Variants in TMEM132A observed in about 807,000 individuals in gnomAD.
TMEM132A encodes GRP78-binding protein.
In TMEM132A, 48 loss-of-function variants were observed where a neutral mutation model predicts 69.9. That is an observed-to-expected ratio of 0.69 (90% CI 0.55 to 0.87). The LOEUF is 0.87. Among genes scored for constraint, TMEM132A ranks in the 40% least tolerant of loss-of-function variants. The probability of loss-of-function intolerance (pLI) is 0.00; values close to 1 mark genes in which losing one functional copy is unlikely to be tolerated. For synonymous variants in TMEM132A, 577 were observed against 613.7 expected (o/e 0.94, Z 0.88); for missense variants, 1,287 against 1,407.2 (o/e 0.91, Z 1.37).
Position 60,934,864 on chromosome 11 carries a change from G to A in TMEM132A, c.1836+100G>A, listed in dbSNP as rs1224765399. On this transcript the variant is annotated intron_variant, in intron 9 of 10. Transcript: ENST00000453848. ...GTGAAGAGTGTGCCAGGAGCCCAGAGTGTGTGGGGGAGTTGTGCGGTCTAG... is the reference window on the plus strand; with the variant it reads ...GTGAAGAGTGTGCCAGGAGCCCAGAATGTGTGGGGGAGTTGTGCGGTCTAG... 4 of 1,291,638 alleles carry A rather than the reference G, an allele frequency of 3.1e-6. No individual in the cohort carries two copies. The African/African-American group carries it at 5.9e-5, about 19-fold the overall frequency. The allele number at this position is 1,291,638 out of a possible 1,614,324, so 80.0% of individuals were successfully genotyped here.
chr11:60,932,367 G>C (rs1391698268), intron 7 of TMEM132A: 1 of 428,454 alleles, frequency 2.3e-6, no homozygotes, highest in African/African-American at 2.0e-5. Context: ...GCACTGGCAA[G>C]TGCGCTGGCC....
rs563891631 is a variant in TMEM132A at position 60,936,332 on chromosome 11, G to A, written c.2497G>A (p.Glu833Lys). The stretch of plus-strand genomic sequence containing the variant: ...AGCCAGGGAGGAGGAGGAGGAAGAG[G>A]AGGAGGAGATGGTCCCTGCCCCTCA... ...TEAREEEEEE[E>K]EEMVPAPQHV... is the part of the protein sequence containing the mutation. The change falls in exon 11 of 11, where the codon GAG becomes AAG. Residue 833 changes from glutamate (E) to lysine (K), a missense_variant. Coordinates refer to ENST00000453848, the MANE Select transcript of TMEM132A (RefSeq NM_178031.3). 1 of 1,614,184 alleles carries A rather than the reference G, an allele frequency of 6.2e-7. No homozygotes were observed. Among genetic ancestry groups the A allele is most frequent in the East Asian group, 2.2e-5 (1 of 44,884 alleles).
At chr11:60,932,603 TATA>T (rs1856503723) in intron 7 of TMEM132A, 9 of 153,138 alleles carry the variant, frequency 5.9e-5, no homozygotes, top group African/African-American at 2.2e-4. Context: ...TTATTGCTGT[TATA>T]ATATGATGTA....
At chr11:60,929,358 C>T (rs1856426102) in intron 4 of TMEM132A, among the ~76,000 whole-genome samples, 1 of 152,250 alleles carries the variant, frequency 6.6e-6, no homozygotes, top group South Asian at 2.1e-4. Flanking sequence ...CGTTCACCTA[C>T]ATGCTGTCCC....
rs538842413 is a variant in TMEM132A at position 60,931,452 on chromosome 11, G to A, written c.1017-237G>A. Among the ~76,000 whole-genome samples, 3 of 152,282 alleles carry A rather than the reference G, an allele frequency of 2.0e-5. No individual in the cohort carries two copies. In the South Asian group the frequency reaches 6.2e-4, roughly 32 times the overall value. On this transcript the variant is annotated intron_variant, in intron 5 of 10. Transcript: ENST00000453848. ...TTGCCAGGTGGGAGGTGGTTAAATG[G>A]CTTCATGGATCTTAGAGAGGCCAAG...
chr11:60,931,957 GGGGCTGAGC>G lies in TMEM132A; in HGVS notation c.1213-26_1213-18del, dbSNP rs1194214055. 1 of 1,612,924 alleles carries G rather than the reference GGGGCTGAGC, an allele frequency of 6.2e-7. No individual in the cohort carries two copies. On this transcript the variant is annotated intron_variant, in intron 6 of 10. Transcript: ENST00000453848. ...AGGAGCCCCATGAGCTGAGGGGCCT[GGGGCTGAGC>G]CCCTCCTCCACCCCCAGGCTGAGGA...
rs376802659 is a variant in TMEM132A at position 60,936,083 on chromosome 11, C to T, written c.2248C>T (p.Arg750Trp). 26 of 1,608,952 alleles carry T rather than the reference C, an allele frequency of 1.6e-5. No individual in the cohort carries two copies. Among genetic ancestry groups the T allele is most frequent in the South Asian group, 4.4e-5 (4 of 90,792 alleles). Residue 750 changes from arginine to tryptophan, a missense_variant, in exon 11 of 11, where the codon CGG becomes TGG. Physicochemically the swap from Arg to Trp is moderately radical, Grantham distance 101. Coordinates refer to ENST00000453848, the MANE Select transcript of TMEM132A (RefSeq NM_178031.3). Reference sequence around the variant, plus strand: ...TCTGCACCCGCCCGAGCCCTGCCGCCGGGGCCGCCACCGTGTGCCTCTGGC... The same window carrying T: ...TCTGCACCCGCCCGAGCCCTGCCGCTGGGGCCGCCACCGTGTGCCTCTGGC... ...VALHPPEPCRRGRHRVPLASG... is the reference protein window; with the variant it reads ...VALHPPEPCRWGRHRVPLASG...
At position 60,924,686 on chromosome 11, in the gene TMEM132A, G is replaced by A. The variant is rs747686642; in HGVS notation, c.53G>A (p.Gly18Asp). The change falls in exon 1 of 11, where the codon GGC (glycine) becomes GAC (aspartate). Residue 18 changes from glycine to aspartate, a missense_variant. Physicochemically the swap from Gly to Asp is moderately conservative, Grantham distance 94. Coordinates refer to ENST00000453848, the MANE Select transcript of TMEM132A (RefSeq NM_178031.3). ...RTTAAPRGPY[G>D]PWLCLLVALA... ...ACAGCGGCCCCTCGGGGGCCCTACG[G>A]CCCCTGGCTCTGCCTCCTGGTGGCC... is the stretch of plus-strand genomic sequence containing the variant. 145 of 1,592,066 alleles carry A rather than the reference G, an allele frequency of 9.1e-5. No homozygotes were observed. In the South Asian group the frequency reaches 1.6e-3, roughly 17 times the overall value.
chr11:60,936,167 T>A lies in TMEM132A; in HGVS notation c.2332T>A (p.Ser778Thr), dbSNP rs1379344217. Reference sequence around the variant, plus strand: ...CTCCACTCCAGCCCCTGCTCTCCCATCCAGCCCTGCTTGGAGCCCACCAGC... The same window carrying A: ...CTCCACTCCAGCCCCTGCTCTCCCAACCAGCCCTGCTTGGAGCCCACCAGC... ...PASTPAPALPSSPAWSPPATE... is the reference protein window; with the variant it reads ...PASTPAPALPTSPAWSPPATE... Residue 778 changes from serine (S) to threonine (T), a missense_variant, in exon 11 of 11, where the codon TCC (serine) becomes ACC (threonine). By Grantham distance (58) the Ser-to-Thr change is moderately conservative. Coordinates refer to ENST00000453848, the MANE Select transcript of TMEM132A (RefSeq NM_178031.3). 4 of 1,613,792 alleles carry A rather than the reference T, an allele frequency of 2.5e-6. No homozygotes were observed. In the East Asian group the frequency reaches 8.9e-5, roughly 36 times the overall value.
In TMEM132A at chr11:60,924,578, G is replaced by A; in HGVS notation, c.-56G>A. On this transcript the variant is annotated 5_prime_UTR_variant, in exon 1 of 11. The change creates a new upstream start codon in the 5' untranslated region. Coordinates refer to ENST00000453848, the MANE Select transcript of TMEM132A (RefSeq NM_178031.3). ...GCGCGGAGCGGGTGCGGGAGATGCC[G>A]TGCGGGACTGGGGCCACCTGAGCCG... 5 of 1,427,968 alleles carry A rather than the reference G, an allele frequency of 3.5e-6. No individual in the cohort carries two copies. Among genetic ancestry groups the A allele is most frequent in the Non-Finnish European group, 4.7e-6 (5 of 1,059,414 alleles). The allele number at this position is 1,427,968 out of a possible 1,614,324, so 88.5% of individuals were successfully genotyped here.
intron 1 of TMEM132A, 39 bp from the exon 2 acceptor site, chr11:60,927,165 C>T (rs769138702): frequency 6.3e-7 from 1 of 1,580,178 alleles, no homozygotes; most frequent in Non-Finnish European, 8.7e-7. Context: ...CCTGCCAGCT[C>T]TGGAGCTGTC....
chr11:60,928,825 C>T lies in TMEM132A; in HGVS notation c.731C>T (p.Pro244Leu). The change falls in exon 4 of 11, where the codon CCC becomes CTC. Residue 244 changes from proline to leucine, a missense_variant. Pro to Leu is a moderately conservative substitution (Grantham distance 98, BLOSUM62 -3). Coordinates refer to ENST00000453848, the MANE Select transcript of TMEM132A (RefSeq NM_178031.3). ...VGGVELRPAD[P>L]PQYQEVPLDE... ...GGTGTGGAGCTGCGCCCAGCAGACCCCCCGCAGTACCAGGAGGTACCTCTG... is the reference window on the plus strand; with the variant it reads ...GGTGTGGAGCTGCGCCCAGCAGACCTCCCGCAGTACCAGGAGGTACCTCTG... The T allele has an allele frequency of 6.2e-7, 1 of 1,612,258 alleles. No homozygotes were observed. Among genetic ancestry groups the T allele is most frequent in the South Asian group, 1.1e-5 (1 of 91,050 alleles).
chr11:60,929,974 A>T (rs1279946716), intron 4 of TMEM132A, among the ~76,000 whole-genome samples: 1 of 152,162 alleles, frequency 6.6e-6, no homozygotes, highest in African/African-American at 2.4e-5. Flanking sequence ...GTAAGCACTG[A>T]GGGAGGTTCA....
At chr11:60,926,250 G>A (rs1856343564) in intron 1 of TMEM132A, among the ~76,000 whole-genome samples, 2 of 152,190 alleles carry the variant, frequency 1.3e-5, no homozygotes, top group East Asian at 3.8e-4. Flanking sequence ...GAAGTGGCAG[G>A]TGGAGACGCC....
At chr11:60,925,775 T>C (rs1245776353) in intron 1 of TMEM132A, 1 of 152,342 alleles carries the variant, frequency 6.6e-6, no homozygotes, top group African/African-American at 2.4e-5. Flanking sequence ...AAATCCATTA[T>C]GCAGCAGCAA....
At chr11:60,924,935 C>G (rs534096022) in intron 1 of TMEM132A, among the ~76,000 whole-genome samples, 1 of 152,218 alleles carries the variant, frequency 6.6e-6, no homozygotes, top group Non-Finnish European at 1.5e-5. Flanking sequence ...TCACCTTGCA[C>G]GACCCGGCAA....
intron 3 of TMEM132A, among the ~76,000 whole-genome samples, chr11:60,928,208 T>C (rs1332923509): frequency 1.3e-5 from 2 of 152,210 alleles, no homozygotes; most frequent in Non-Finnish European, 2.9e-5. Flanking sequence ...AATCAGCCAG[T>C]GTGTTTGCAT....
At position 60,935,276 on chromosome 11, in the gene TMEM132A, A is replaced by C; in HGVS notation, c.1861A>C (p.Ile621Leu). 6.2e-7 allele frequency: 1 copy of C among 1,611,670 alleles called. No individual in the cohort carries two copies. Among genetic ancestry groups the C allele is most frequent in the East Asian group, 2.2e-5 (1 of 44,852 alleles). Residue 621 changes from isoleucine to leucine, a missense_variant, in exon 10 of 11, where the codon ATC becomes CTC. Ile to Leu is a conservative substitution (Grantham distance 5). Coordinates refer to ENST00000453848, the MANE Select transcript of TMEM132A (RefSeq NM_178031.3). This position sits in a 1 kb window ranked among gnomAD's most constrained non-coding sequence, Gnocchi z 5.0. ...GGTGCGTTCCCCACTGTCTGACTCC[A>C]TCCTGGGGGAGCAGGCGCTGGCTGT... ...IEVRSPLSDS[I>L]LGEQALAVTD...
chr11:60,935,604 C>G lies in TMEM132A; in HGVS notation c.2028+161C>G, dbSNP rs11230522. 4.7e-6 allele frequency: 4 copies of G among 851,662 alleles called. No individual in the cohort carries two copies. In the African/African-American group the frequency reaches 6.8e-5, roughly 15 times the overall value. The allele number at this position is 851,662 out of a possible 1,614,324, so 52.8% of individuals were successfully genotyped here. A position where few individuals can be genotyped will look rare whatever the true frequency, so the allele number is the denominator to read the frequency against. ...TGAGCTCTCTGCAGCTGGAGGTGATCAAGCAGTGGCTGGAGTATGGCAGTG... is the reference window on the plus strand; with the variant it reads ...TGAGCTCTCTGCAGCTGGAGGTGATGAAGCAGTGGCTGGAGTATGGCAGTG... On this transcript the variant is annotated intron_variant, in intron 10 of 10. Transcript: ENST00000453848. This position sits in a 1 kb window ranked among gnomAD's most constrained non-coding sequence, Gnocchi z 5.0.
Sources: gnomAD v4.1 joint callset for allele counts (sites outside exome capture counted in the v4.1 genomes callset) on GRCh38, gnomAD v4.1.1 for gene constraint, Gnocchi (gnomAD v3.1) non-coding constraint, MANE v1.5 for transcripts, NCBI Gene and HGNC (gene_info 2026-07-23, HGNC 2026-07-21) for gene names.